ZNF385D: variants seen among roughly 807,000 people sequenced by gnomAD.
ZNF385D encodes zinc finger protein 385D.
ZNF385D carries 15 observed loss-of-function variants against 35.8 expected under a neutral mutation model. The ratio of observed to expected loss-of-function variants is 0.42; its 90% CI spans 0.28 to 0.64. ZNF385D has a LOEUF of 0.64. Among genes scored for constraint, ZNF385D ranks in the 30% least tolerant of loss-of-function variants. ZNF385D has a pLI of 0.23. For synonymous variants in ZNF385D, 212 were observed against 186.8 expected, an observed-to-expected ratio of 1.13 and a Z score of -1.10; for missense variants, 474 against 494.6, an observed-to-expected ratio of 0.96 and a Z score of 0.39.
rs375875193 is a variant in ZNF385D, at chr3:22,206,950, G to A, written c.107-37915C>T. Among the ~76,000 whole-genome samples, 28 of 151,602 alleles carry A rather than the reference G, an allele frequency of 1.8e-4. No homozygotes were observed. The East Asian group carries it at 1.9e-3, about 11-fold the overall frequency. ...AAATGAAATTGAAACAAAAAATACC[G>A]AAGACTACAAAATGAAAAGTTTTTT... On this transcript the variant is annotated intron_variant, in intron 2 of 5. Transcript: ENST00000494108.
At chr3:21,695,720 C>A (rs565301964) in intron 1 of ZNF385D, among the ~76,000 whole-genome samples, 1 of 151,434 alleles carries the variant, frequency 6.6e-6, no homozygotes. Flanking sequence ...ACAATTTTAT[C>A]CTTGCTAGTC....
intron 3 of ZNF385D, among the ~76,000 whole-genome samples, chr3:21,900,280 G>A (rs1699333285): frequency 6.6e-6 from 1 of 152,026 alleles, no homozygotes; most frequent in Admixed American, 6.6e-5. Flanking sequence ...ACTCTAGTTG[G>A]ATAACAGAGT....
chr3:22,214,508 C>T (rs552913145), intron 2 of ZNF385D, among the ~76,000 whole-genome samples: 1 of 152,182 alleles, frequency 6.6e-6, no homozygotes, highest in African/African-American at 2.4e-5. Flanking sequence ...TATTTCTCTT[C>T]TTTCAAAAGC....
At chr3:21,848,614 A>G (rs780619511) in intron 3 of ZNF385D, among the ~76,000 whole-genome samples, 2 of 152,084 alleles carry the variant, frequency 1.3e-5, no homozygotes, top group Admixed American at 6.6e-5. Context: ...ATGATTACAC[A>G]TCAACAAATT....
intron 2 of ZNF385D, among the ~76,000 whole-genome samples, chr3:21,656,490 A>G (rs1416856586): frequency 6.6e-6 from 1 of 151,568 alleles, no homozygotes; most frequent in Non-Finnish European, 1.5e-5. Flanking sequence ...CTGTGTGCAA[A>G]TTTTCCCTTT....
chr3:22,089,202 C>A (rs1330080510), intron 3 of ZNF385D, among the ~76,000 whole-genome samples: 3 of 152,120 alleles, frequency 2.0e-5, no homozygotes, highest in African/African-American at 7.2e-5. Flanking sequence ...AAACTGTTTA[C>A]CATTAGCAAA....
intron 3 of ZNF385D, among the ~76,000 whole-genome samples, chr3:21,757,371 G>A (rs1410272584): frequency 6.6e-6 from 1 of 152,028 alleles, no homozygotes; most frequent in Non-Finnish European, 1.5e-5. Flanking sequence ...TTGAATTCCT[G>A]ACCTCAGGTG....
At position 21,681,316 on chromosome 3, in the gene ZNF385D, A is replaced by AAAAAAAAAAAAAAAAAAAAAAAAAAAC. The variant is rs1334410224; in HGVS notation, c.23-16289_23-16288insGTTTTTTTTTTTTTTTTTTTTTTTTTT. ...CCATCAGTAAAAAAAAAAAAAAAAA[A>AAAAAAAAAAAAAAAAAAAAAAAAAAAC]AAAAAAAACCTACATTTTTGGCACA... On this transcript the variant is annotated intron_variant, in intron 1 of 7. Coordinates refer to ENST00000281523, the MANE Select transcript of ZNF385D (RefSeq NM_024697.3). Among the ~76,000 whole-genome samples, 6 of 141,676 alleles carry AAAAAAAAAAAAAAAAAAAAAAAAAAAC rather than the reference A, an allele frequency of 4.2e-5. 1 individual carries two copies. Among genetic ancestry groups the AAAAAAAAAAAAAAAAAAAAAAAAAAAC allele is most frequent in the Non-Finnish European group, 9.5e-5 (6 of 63,080 alleles). 92.9% of individuals were successfully genotyped at this position (141,676 alleles called of 152,430 possible). A position where few individuals can be genotyped will look rare whatever the true frequency, so the allele number is the denominator to read the frequency against.
chr3:21,768,291 A>G (rs2878424), intron 3 of ZNF385D, among the ~76,000 whole-genome samples: 84,994 of 151,890 alleles, frequency 0.56, 24,378 homozygotes, highest in East Asian at 0.78. Flanking sequence ...TCATACCTTA[A>G]CAGCATAATG....
At chr3:21,823,169 CTCCA>C in intron 3 of ZNF385D, among the ~76,000 whole-genome samples, 1 of 151,912 alleles carries the variant, frequency 6.6e-6, no homozygotes, top group African/African-American at 2.4e-5. Context: ...TAATGATATG[CTCCA>C]TAAAAACTTT....
rs138727012 is a variant in ZNF385D, at chr3:22,121,215, C to G, written c.325+47602G>C. Among the ~76,000 whole-genome samples, 8 of 152,200 alleles carry G rather than the reference C, an allele frequency of 5.3e-5. No individual in the cohort carries two copies. The South Asian group carries it at 8.3e-4, about 16-fold the overall frequency. On this transcript the variant is annotated intron_variant, in intron 3 of 5. Coordinates refer to the ZNF385D transcript ENST00000494108. ...TACTTCTAAACACTCACTGTCTTAG[C>G]GATCTGTAAATAATTGACCAGCCAA...
At chr3:21,936,080 G>A (rs1232376657) in intron 3 of ZNF385D, among the ~76,000 whole-genome samples, 1 of 152,062 alleles carries the variant, frequency 6.6e-6, no homozygotes, top group Non-Finnish European at 1.5e-5. Flanking sequence ...TATGGCCAGA[G>A]ACCAGTTACA....
chr3:21,939,633 A>G (rs1257533246), intron 3 of ZNF385D, among the ~76,000 whole-genome samples: 1 of 152,196 alleles, frequency 6.6e-6, no homozygotes, highest in Admixed American at 6.5e-5. Flanking sequence ...ATATAGATGA[A>G]TGGAGAGAAA....
intron 2 of ZNF385D, among the ~76,000 whole-genome samples, chr3:21,659,551 C>G (rs190721339): frequency 3.3e-5 from 5 of 151,984 alleles, no homozygotes; most frequent in Non-Finnish European, 7.4e-5. Context: ...AAGGAAGGCT[C>G]GTAGCATTTC....
intron 2 of ZNF385D, among the ~76,000 whole-genome samples, chr3:22,263,336 T>C (rs139907856): frequency 2.6e-5 from 4 of 151,946 alleles, no homozygotes; most frequent in Non-Finnish European, 5.9e-5. Context: ...ACTTTCTGCT[T>C]CCTTCTTTCT....
At chr3:21,547,618 T>C (rs192356906) in intron 3 of ZNF385D, among the ~76,000 whole-genome samples, 8 of 151,556 alleles carry the variant, frequency 5.3e-5, no homozygotes, top group Non-Finnish European at 1.0e-4. Flanking sequence ...TTGTTTTGTT[T>C]TGTTTTTTTT....
At chr3:22,302,039 T>A (rs1034710677) in intron 2 of ZNF385D, among the ~76,000 whole-genome samples, 1 of 152,086 alleles carries the variant, frequency 6.6e-6, no homozygotes, top group African/African-American at 2.4e-5. Flanking sequence ...ATTGTTTCCA[T>A]GTTTATACTT....
chr3:21,673,384 A>G (rs1435335277), intron 1 of ZNF385D, among the ~76,000 whole-genome samples: 2 of 152,182 alleles, frequency 1.3e-5, no homozygotes, highest in African/African-American at 4.8e-5. Flanking sequence ...GCTATTGGAC[A>G]TTACAGCTCC....
At chr3:21,885,301 A>G (rs1698483858) in intron 3 of ZNF385D, among the ~76,000 whole-genome samples, 1 of 152,042 alleles carries the variant, frequency 6.6e-6, no homozygotes, top group South Asian at 2.1e-4. Flanking sequence ...CATAAACTAA[A>G]ATATCAACTA....
Sources: gnomAD v4.1 joint callset for allele counts (sites outside exome capture counted in the v4.1 genomes callset) on GRCh38, gnomAD v4.1.1 for gene constraint, MANE v1.5 for transcripts, NCBI Gene and HGNC (gene_info 2026-07-23, HGNC 2026-07-21) for gene names.